Variants in TMEM61 observed in about 807,000 individuals in gnomAD.
TMEM61 encodes transmembrane protein 61.
Under a neutral mutation model 12.0 loss-of-function variants are expected in TMEM61, and 13 were observed. That is an observed-to-expected ratio of 1.08 (90% confidence interval 0.70 to 1.72). The LOEUF is 1.72. Ranked by LOEUF, TMEM61 falls within the 40% of genes most tolerant of loss-of-function variation. TMEM61 has a pLI of 0.00. For missense variants in TMEM61, 249 were observed against 276.9 expected (o/e 0.90, Z 0.71); for synonymous variants, 109 against 121.4 (o/e 0.90, Z 0.67).
intron 2 of TMEM61, among the ~76,000 whole-genome samples, chr1:54,987,958 G>A (rs1644271421): frequency 6.6e-6 from 1 of 152,254 alleles, no homozygotes; most frequent in Non-Finnish European, 1.5e-5. Flanking sequence ...TAGAGATGAT[G>A]CAGTACAGTC....
At chr1:54,985,585 GC>G (rs1644252219) in intron 1 of TMEM61, among the ~76,000 whole-genome samples, 1 of 152,096 alleles carries the variant, frequency 6.6e-6, no homozygotes, top group Non-Finnish European at 1.5e-5. Context: ...GCGAATTTCG[GC>G]CTCAGACTCT....
intron 1 of TMEM61, among the ~76,000 whole-genome samples, chr1:54,983,369 C>T (rs1644237118): frequency 6.6e-6 from 1 of 151,982 alleles, no homozygotes; most frequent in African/African-American, 2.4e-5. Context: ...GTGATCCACC[C>T]ACCTCGGCCT....
At chr1:54,984,226 G>A (rs1407134107) in intron 1 of TMEM61, among the ~76,000 whole-genome samples, 4 of 152,214 alleles carry the variant, frequency 2.6e-5, no homozygotes, top group Non-Finnish European at 4.4e-5. Flanking sequence ...GTTGTTGGCT[G>A]GGCAAGCCCC....
At chr1:54,986,763 G>C (rs1299367244) in intron 2 of TMEM61, among the ~76,000 whole-genome samples, 1 of 151,924 alleles carries the variant, frequency 6.6e-6, no homozygotes, top group African/African-American at 2.4e-5. Context: ...GTATGGGACA[G>C]AATAGCAGAG....
At chr1:54,985,410 T>C (rs766645787) in intron 1 of TMEM61, among the ~76,000 whole-genome samples, 6 of 152,184 alleles carry the variant, frequency 3.9e-5, no homozygotes, top group Non-Finnish European at 8.8e-5. Context: ...CTAATTTTTG[T>C]AGTTTTAGTA....
At chr1:54,991,202 C>A (rs570588245) in intron 2 of TMEM61, among the ~76,000 whole-genome samples, 1 of 152,178 alleles carries the variant, frequency 6.6e-6, no homozygotes, top group African/African-American at 2.4e-5. Flanking sequence ...CTGCCTCAAG[C>A]CCCTGTGGGG....
chr1:54,985,219 A>ATGTGTGTGTGTGTGTG (rs35817239), intron 1 of TMEM61, among the ~76,000 whole-genome samples: 8 of 150,726 alleles, frequency 5.3e-5, no homozygotes, highest in African/African-American at 1.9e-4. Context: ...GAACGTGTGT[A>ATGTGTGTGTGTGTGTG]TGTGTGTGTG....
intron 1 of TMEM61, among the ~76,000 whole-genome samples, chr1:54,982,712 G>A (rs115830271): frequency 4.4e-4 from 67 of 152,326 alleles, no homozygotes; most frequent in African/African-American, 1.3e-3. Context: ...TATTTGCAGC[G>A]TGGTCTCAAC....
In TMEM61 at chr1:54,992,043, G is replaced by C. The variant is rs762158120; in HGVS notation, c.573G>C (p.Thr191=). The C allele has an allele frequency of 3.7e-6, 6 of 1,613,232 alleles. No homozygotes were observed. In the Admixed American group the frequency reaches 1.0e-4, roughly 27 times the overall value. Reference sequence around the variant, plus strand: ...CTCTTGATGCCGTTTCTGCGGAGACGACACCGAGTGCCACACGCTCCTGCT... The same window carrying C: ...CTCTTGATGCCGTTTCTGCGGAGACCACACCGAGTGCCACACGCTCCTGCT... ...SLALDAVSAE[T]TPSATRSCSG... The change falls in exon 3 of 3, where the codon ACG becomes ACC. Residue 191 remains threonine, a synonymous_variant. Coordinates refer to ENST00000371268, the MANE Select transcript of TMEM61 (RefSeq NM_182532.3).
At position 54,981,070 on chromosome 1, in the gene TMEM61, C is replaced by T; in HGVS notation, c.5C>T (p.Ala2Val). The change falls in exon 1 of 3, where the codon GCC (alanine) becomes GTC (valine). Residue 2 changes from alanine to valine, a missense_variant. By Grantham distance (64) the Ala-to-Val change is moderately conservative. Coordinates refer to ENST00000371268, the MANE Select transcript of TMEM61 (RefSeq NM_182532.3). MALPQMCDGSHL... is the reference protein window; with the variant it reads MVLPQMCDGSHL... ...GCGCCTGCTGCCCGCCTCCCGATGG[C>T]CCTGCCCCAGGTGGGTGGAAACGGC... 6.3e-7 allele frequency: 1 copy of T among 1,586,642 alleles called. No individual in the cohort carries two copies. The highest frequency in any genetic ancestry group is 1.2e-5 in the South Asian group (1 of 86,732).
chr1:54,985,799 G>A (rs1644253318), intron 1 of TMEM61, among the ~76,000 whole-genome samples: 2 of 152,110 alleles, frequency 1.3e-5, no homozygotes, highest in Admixed American at 6.5e-5. Flanking sequence ...GGAAGTTTTA[G>A]ACCCACCAGG....
At position 54,983,196 on chromosome 1, in the gene TMEM61, C is replaced by T. The variant is rs182473424; in HGVS notation, c.15+2116C>T. On this transcript the variant is annotated intron_variant, in intron 1 of 2. Coordinates refer to ENST00000371268, the MANE Select transcript of TMEM61 (RefSeq NM_182532.3). ...TGACGCAATCTCGGCTCACTGCAAC[C>T]TCCACATCCTGGGTTCAAGTGATTC... Among the ~76,000 whole-genome samples, 129 of 143,880 alleles carry T rather than the reference C, an allele frequency of 9.0e-4. 1 individual carries two copies. Among genetic ancestry groups the T allele is most frequent in the African/African-American group, 3.1e-3 (124 of 40,078 alleles). The allele number at this position is 143,880 out of a possible 152,430, so 94.4% of individuals were successfully genotyped here.
Position 54,991,894 on chromosome 1 carries a change from G to A in TMEM61, c.424G>A (p.Glu142Lys), listed in dbSNP as rs201375691. 9 of 1,614,118 alleles carry A rather than the reference G, an allele frequency of 5.6e-6. No individual in the cohort carries two copies. Among genetic ancestry groups the A allele is most frequent in the Middle Eastern group, 3.3e-4 (2 of 6,062 alleles). ...YEEAVSFPVA[E>K]GPPTPPAYPT... ...GGAAGCCGTGAGCTTCCCAGTGGCC[G>A]AGGGGCCCCCAACACCACCTGCATA... is the stretch of plus-strand genomic sequence containing the variant. The change falls in exon 3 of 3, where the codon GAG becomes AAG. Residue 142 changes from glutamate (E) to lysine (K), a missense_variant. Physicochemically the swap from Glu to Lys is moderately conservative, Grantham distance 56. Coordinates refer to ENST00000371268, the MANE Select transcript of TMEM61 (RefSeq NM_182532.3).
chr1:54,985,555 AT>A (rs1378998942), intron 1 of TMEM61, among the ~76,000 whole-genome samples: 21 of 152,238 alleles, frequency 1.4e-4, no homozygotes, highest in African/African-American at 4.8e-4. Flanking sequence ...ATCTTTTTCC[AT>A]AAAGTTTTGC....
intron 2 of TMEM61, among the ~76,000 whole-genome samples, chr1:54,986,809 G>A (rs1644264493): frequency 6.6e-6 from 1 of 151,768 alleles, no homozygotes; most frequent in South Asian, 2.1e-4. Context: ...AGACCCACTG[G>A]GACCCTGTTC....
chr1:54,986,893 G>T (rs918684546), intron 2 of TMEM61, among the ~76,000 whole-genome samples: 1 of 152,168 alleles, frequency 6.6e-6, no homozygotes, highest in Admixed American at 6.5e-5. Context: ...TTCCTCATTT[G>T]AAATGAAAAG....
chr1:54,986,601 C>T (rs1235056155), intron 2 of TMEM61, among the ~76,000 whole-genome samples, 155 bp downstream of exon 2: 2 of 152,180 alleles, frequency 1.3e-5, no homozygotes, highest in Non-Finnish European at 2.9e-5. Flanking sequence ...GGAAGCTGAT[C>T]AGTACAGCCC....
chr1:54,983,101 T>C (rs1644233811), intron 1 of TMEM61, among the ~76,000 whole-genome samples: 1 of 125,184 alleles, frequency 8.0e-6, no homozygotes, highest in Admixed American at 9.1e-5. Context: ...TGATTTGTGT[T>C]TTGCTTTGTT....
chr1:54,992,244 C>A lies in TMEM61; in HGVS notation c.*141C>A. On this transcript the variant is annotated 3_prime_UTR_variant, in exon 3 of 3. Coordinates refer to ENST00000371268, the MANE Select transcript of TMEM61 (RefSeq NM_182532.3). ...TATTTATCTATTGCTGTATAACAAA[C>A]CACCCCAGAATTTAGTGGCTTAAAA... 2 of 1,024,028 alleles carry A rather than the reference C, an allele frequency of 2.0e-6. No homozygotes were observed. The highest frequency in any genetic ancestry group is 2.6e-5 in the Admixed American group (1 of 38,800). The allele number at this position is 1,024,028 out of a possible 1,614,324, so 63.4% of individuals were successfully genotyped here. A position where few individuals can be genotyped will look rare whatever the true frequency, so the allele number is the denominator to read the frequency against.
Sources: allele counts gnomAD v4.1 joint callset (sites outside exome capture counted in the v4.1 genomes callset), GRCh38; gene constraint gnomAD v4.1.1; transcripts MANE v1.5; gene names NCBI Gene and HGNC (gene_info 2026-07-23, HGNC 2026-07-21).